Variants in LRRC43 observed in about 807,000 individuals in gnomAD.
LRRC43 encodes the protein leucine-rich repeat-containing protein 43.
Under a neutral mutation model 64.3 loss-of-function variants are expected in LRRC43, and 62 were observed. That is an observed-to-expected ratio of 0.96 (90% CI 0.79 to 1.19). The LOEUF (loss-of-function observed/expected upper bound fraction) is 1.19. LRRC43 is among the 50% of genes most tolerant of loss of function. LRRC43 has a pLI of 0.00. For synonymous variants in LRRC43, 422 were observed against 382.3 expected (o/e 1.10, Z -1.21); for missense variants, 868 against 845.0 (o/e 1.03, Z -0.34).
chr12:122,178,342 A>T (rs777690942), upstream of LRRC43, among the ~76,000 whole-genome samples: 7 of 152,012 alleles, frequency 4.6e-5, no homozygotes, highest in Non-Finnish European at 1.0e-4. Context: ...CGTCATCCTG[A>T]TCCCTTTTGC....
chr12:122,171,260 C>A (rs193035379), intron 1 of LRRC43, among the ~76,000 whole-genome samples: 1 of 152,216 alleles, frequency 6.6e-6, no homozygotes, highest in East Asian at 1.9e-4. Context: ...TGGGCTCCAC[C>A]CCTTAACAGC....
At chr12:122,202,371 C>T (rs1037622605) in intron 11 of LRRC43, 11 of 152,014 alleles carry the variant, frequency 7.2e-5, no homozygotes, top group African/African-American at 2.7e-4. Context: ...TTTAATAGAC[C>T]TTAAAATAAT....
At position 122,200,994 on chromosome 12, in the gene LRRC43, C is replaced by A; in HGVS notation, c.1809+60C>A. 6.6e-7 allele frequency: 1 copy of A among 1,525,162 alleles called. No individual in the cohort carries two copies. The allele number at this position is 1,525,162 out of a possible 1,614,324, so 94.5% of individuals were successfully genotyped here. A position where few individuals can be genotyped will look rare whatever the true frequency, so the allele number is the denominator to read the frequency against. On this transcript the variant is annotated intron_variant, in intron 10 of 11. Transcript: ENST00000339777. This position sits in a 1 kb window ranked among gnomAD's most constrained non-coding sequence, Gnocchi z 4.6. ...GCCTTCGCCCTCCCCATGGGAACCC[C>A]GCGGGCAAGCAAGGGCTGTGGGCCC...
intron 7 of LRRC43, among the ~76,000 whole-genome samples, chr12:122,196,705 G>A (rs1566012247): frequency 6.6e-6 from 1 of 151,968 alleles, no homozygotes; most frequent in Non-Finnish European, 1.5e-5. Context: ...GAAGGTGGAG[G>A]TGGCAGTGAG....
At position 122,191,597 on chromosome 12, in the gene LRRC43, G is replaced by A. The variant is rs972394410; in HGVS notation, c.1089+30G>A. The A allele has an allele frequency of 5.1e-6, 8 of 1,579,532 alleles. No homozygotes were observed. The African/African-American group carries it at 6.8e-5, about 13-fold the overall frequency. ...GCCCTGGTCTGTCCCTAGGAGTATG[G>A]GGGGCTCTTGTGAAGGCTGAACTGC... On this transcript the variant is annotated intron_variant, in intron 6 of 11. Coordinates refer to ENST00000339777, the MANE Select transcript of LRRC43 (RefSeq NM_001098519.2).
chr12:122,198,820 A>T (rs1953800730), intron 7 of LRRC43, among the ~76,000 whole-genome samples: 1 of 151,214 alleles, frequency 6.6e-6, no homozygotes, highest in Admixed American at 6.6e-5. Context: ...TTTAGTAGAG[A>T]TGGGGTTTCA....
In LRRC43 at chr12:122,184,757, C is replaced by T; in HGVS notation, c.389C>T (p.Ser130Phe). The T allele has an allele frequency of 6.2e-7, 1 of 1,607,214 alleles. No individual in the cohort carries two copies. Among genetic ancestry groups the T allele is most frequent in the Non-Finnish European group, 8.5e-7 (1 of 1,176,860 alleles). Reference protein sequence around the residue: ...TDTFFYSYFRSLRVIDKKVTL... With the variant: ...TDTFFYSYFRFLRVIDKKVTL... The stretch of plus-strand genomic sequence containing the variant: ...ACCTTCTTCTACTCCTACTTCCGGT[C>T]CCTGCGGGTAATAGACAAGAAGGTC... Residue 130 changes from serine to phenylalanine, a missense_variant, in exon 2 of 12, where the codon TCC (serine) becomes TTC (phenylalanine). By Grantham distance (155) the Ser-to-Phe change is radical. Transcript: ENST00000339777. This position sits in a 1 kb window ranked among gnomAD's most constrained non-coding sequence, Gnocchi z 4.0.
intron 1 of LRRC43, among the ~76,000 whole-genome samples, chr12:122,168,884 G>C (rs373433988): frequency 6.6e-6 from 1 of 152,200 alleles, no homozygotes; most frequent in South Asian, 2.1e-4. Context: ...GCCTTTCCTT[G>C]TTTTTCATGA....
chr12:122,171,255 T>G (rs1953482999), intron 1 of LRRC43, among the ~76,000 whole-genome samples: 1 of 152,214 alleles, frequency 6.6e-6, no homozygotes, highest in African/African-American at 2.4e-5. Flanking sequence ...GAAACTGGGC[T>G]CCACCCCTTA....
chr12:122,201,077 G>T lies in LRRC43; in HGVS notation c.1809+143G>T, dbSNP rs921624899. On this transcript the variant is annotated intron_variant, in intron 10 of 11. Coordinates refer to ENST00000339777, the MANE Select transcript of LRRC43 (RefSeq NM_001098519.2). ...GGCCTTTCCCTGGGGCATGCAGCTG[G>T]GCTGCTGGTGCTGCCGCCTGCACAG... The T allele has an allele frequency of 8.6e-6, 10 of 1,159,160 alleles. No individual in the cohort carries two copies. The African/African-American group carries it at 1.1e-4, about 13-fold the overall frequency. 71.8% of individuals were successfully genotyped at this position (1,159,160 alleles called of 1,614,324 possible).
intron 7 of LRRC43, among the ~76,000 whole-genome samples, chr12:122,195,376 G>A (rs920101483): frequency 6.6e-5 from 10 of 151,908 alleles, no homozygotes; most frequent in African/African-American, 1.9e-4. Flanking sequence ...AGCCTCCCAA[G>A]TAGCTGGGAT....
chr12:122,180,248 G>A (rs567488942), upstream of LRRC43, among the ~76,000 whole-genome samples: 1 of 152,238 alleles, frequency 6.6e-6, no homozygotes, highest in African/African-American at 2.4e-5. Flanking sequence ...CCAGGGGCGA[G>A]TGGCTCACAC....
chr12:122,174,770 C>T (rs1002727071), intron 1 of LRRC43, among the ~76,000 whole-genome samples: 2 of 152,102 alleles, frequency 1.3e-5, no homozygotes, highest in Admixed American at 6.6e-5. Flanking sequence ...CATCGTGCCT[C>T]TGCAATCTCA....
intron 6 of LRRC43, among the ~76,000 whole-genome samples, chr12:122,192,199 G>A (rs776801366): frequency 5.9e-4 from 90 of 152,022 alleles, no homozygotes; most frequent in African/African-American, 1.9e-3. Flanking sequence ...GTGCAGTGGC[G>A]CAATCTCGGC....
rs1953492155 is a variant in LRRC43 at position 122,172,289 on chromosome 12, G to A, written c.-406+4507G>A. On this transcript the variant is annotated intron_variant, in intron 1 of 5. Coordinates refer to the LRRC43 transcript ENST00000537729. ...CTCCCGGGACTAGCCCATATGAGGG[G>A]TCCCTGAGATTATTCATTGGAAAAA... is the stretch of plus-strand genomic sequence containing the variant. 4 of 705,022 alleles carry A rather than the reference G, an allele frequency of 5.7e-6. No homozygotes were observed. In the East Asian group the frequency reaches 7.8e-5, roughly 14 times the overall value. 43.7% of individuals were successfully genotyped at this position (705,022 alleles called of 1,614,324 possible).
rs780015684 is a variant in LRRC43 at position 122,172,403 on chromosome 12, G to A, written c.-406+4621G>A. 6 of 1,598,658 alleles carry A rather than the reference G, an allele frequency of 3.8e-6. No individual in the cohort carries two copies. The South Asian group carries it at 6.7e-5, about 18-fold the overall frequency. On this transcript the variant is annotated intron_variant, in intron 1 of 5. Transcript: ENST00000537729. ...TAAGTTCCTGCCAATCCGAAAGGAA[G>A]AGATGGCCTTAAGTGGTGGCCTGTT...
intron 4 of LRRC43, among the ~76,000 whole-genome samples, chr12:122,188,702 A>G (rs1953676865): frequency 6.6e-6 from 1 of 152,094 alleles, no homozygotes; most frequent in Admixed American, 6.5e-5. Flanking sequence ...TGGCCTCCCA[A>G]AGTGCTGGGA....
intron 7 of LRRC43, among the ~76,000 whole-genome samples, chr12:122,197,434 G>C (rs1953783299): frequency 6.6e-6 from 1 of 152,050 alleles, no homozygotes; most frequent in South Asian, 2.1e-4. Flanking sequence ...CCAAGTGCTG[G>C]GATTACAGGT....
chr12:122,186,313 C>T lies in LRRC43; in HGVS notation c.522+13C>T, dbSNP rs755365274. 85 of 1,549,764 alleles carry T rather than the reference C, an allele frequency of 5.5e-5. No homozygotes were observed. The South Asian group carries it at 6.0e-4, about 11-fold the overall frequency. On this transcript the variant is annotated intron_variant, in intron 3 of 11. Transcript: ENST00000339777. Reference sequence around the variant, plus strand: ...CCCCACACTCAAGGTGAAGGAGCCCCGGTCTGTGTTGAGTATTTGGGCCTC... The same window carrying T: ...CCCCACACTCAAGGTGAAGGAGCCCTGGTCTGTGTTGAGTATTTGGGCCTC...
Sources: allele counts gnomAD v4.1 joint callset (sites outside exome capture counted in the v4.1 genomes callset), GRCh38; gene constraint gnomAD v4.1.1; non-coding constraint Gnocchi (gnomAD v3.1); transcripts MANE v1.5; gene names NCBI Gene and HGNC (gene_info 2026-07-23, HGNC 2026-07-21).